Variants in CNTN5 observed in about 807,000 individuals in gnomAD.
CNTN5 encodes contactin-5.
In CNTN5, 77 loss-of-function variants were observed where a neutral mutation model predicts 129.1. The ratio of observed to expected loss-of-function variants is 0.60; its 90% CI spans 0.50 to 0.72. The LOEUF is 0.72. Among genes scored for constraint, CNTN5 ranks in the 30% least tolerant of loss-of-function variants. The pLI is 0.00. For synonymous variants in CNTN5, 509 were observed against 465.6 expected (o/e 1.09, Z -1.20); for missense variants, 1,478 against 1,328.8 (o/e 1.11, Z -1.75).
intron 1 of CNTN5, among the ~76,000 whole-genome samples, chr11:99,113,408 G>A (rs193177251): frequency 2.0e-5 from 3 of 152,120 alleles, no homozygotes; most frequent in East Asian, 1.9e-4. Context: ...ATGATGGAAC[G>A]CAGTAGTGAG....
intron 1 of CNTN5, among the ~76,000 whole-genome samples, chr11:99,071,355 A>C (rs999187581): frequency 1.1e-4 from 16 of 152,130 alleles, no homozygotes; most frequent in African/African-American, 3.6e-4. Context: ...GATGAGGTTA[A>C]AATCTGTAGC....
At chr11:99,048,201 G>A (rs929962617) in intron 1 of CNTN5, among the ~76,000 whole-genome samples, 2 of 152,030 alleles carry the variant, frequency 1.3e-5, no homozygotes, top group African/African-American at 4.8e-5. Flanking sequence ...TGTGACATCA[G>A]CTTATAGGTA....
chr11:99,782,030 T>C (rs927166867), intron 3 of CNTN5, among the ~76,000 whole-genome samples: 2 of 150,838 alleles, frequency 1.3e-5, no homozygotes, highest in Admixed American at 6.6e-5. Context: ...AAAGAGGAAG[T>C]CAAATTGTCC....
chr11:100,203,847 T>C (rs1462694957), intron 15 of CNTN5, among the ~76,000 whole-genome samples: 1 of 118,792 alleles, frequency 8.4e-6, no homozygotes, highest in Non-Finnish European at 1.8e-5. Flanking sequence ...CTATCTTGGA[T>C]CTAACTCCAG....
chr11:99,373,648 G>T (rs1034841834), intron 2 of CNTN5, among the ~76,000 whole-genome samples: 1 of 149,348 alleles, frequency 6.7e-6, no homozygotes, highest in Non-Finnish European at 1.5e-5. Context: ...GGGAGGTGGA[G>T]GTTGTAGTGA....
intron 9 of CNTN5, among the ~76,000 whole-genome samples, chr11:100,044,897 A>ATAG (rs1229056683): frequency 6.6e-6 from 1 of 152,192 alleles, no homozygotes; most frequent in African/African-American, 2.4e-5. Context: ...GTTAATAAAC[A>ATAG]TAGTGAGACT....
intron 15 of CNTN5, among the ~76,000 whole-genome samples, chr11:100,195,536 A>G (rs956672370): frequency 6.6e-6 from 1 of 151,912 alleles, no homozygotes; most frequent in Admixed American, 6.6e-5. Context: ...GCAAACCCAT[A>G]TAATTACAAC....
At chr11:99,942,000 G>C (rs998715556) in intron 7 of CNTN5, among the ~76,000 whole-genome samples, 5 of 151,916 alleles carry the variant, frequency 3.3e-5, no homozygotes, top group African/African-American at 1.2e-4. Flanking sequence ...TCATCAGAAA[G>C]GGCTTCATAA....
At chr11:99,352,994 G>A (rs1428188040) in intron 2 of CNTN5, among the ~76,000 whole-genome samples, 5 of 152,110 alleles carry the variant, frequency 3.3e-5, no homozygotes, top group Non-Finnish European at 5.9e-5. Flanking sequence ...TTTGAGAGCC[G>A]GGCGGTGAAT....
At chr11:99,357,897 C>T (rs1169671459) in intron 2 of CNTN5, among the ~76,000 whole-genome samples, 5 of 150,710 alleles carry the variant, frequency 3.3e-5, no homozygotes, top group African/African-American at 4.9e-5. Flanking sequence ...CCAGCTACTC[C>T]GGAGGCCGAG....
At chr11:99,445,869 A>G (rs997921047) in intron 2 of CNTN5, among the ~76,000 whole-genome samples, 1 of 152,072 alleles carries the variant, frequency 6.6e-6, no homozygotes, top group African/African-American at 2.4e-5. Context: ...GGATCACCTG[A>G]GGTCAGGAGT....
chr11:99,841,124 G>A (rs191561504), intron 4 of CNTN5, among the ~76,000 whole-genome samples: 37 of 152,164 alleles, frequency 2.4e-4, no homozygotes, highest in African/African-American at 8.9e-4. Context: ...TCTATTTACT[G>A]TCATTTATGT....
intron 18 of CNTN5, among the ~76,000 whole-genome samples, chr11:100,280,744 TG>T (rs1488753092): frequency 6.6e-6 from 1 of 152,146 alleles, no homozygotes; most frequent in Non-Finnish European, 1.5e-5. Context: ...GGTTGTTTTG[TG>T]GTCTATTCTT....
At chr11:99,997,942 A>G (rs1226800090) in intron 8 of CNTN5, among the ~76,000 whole-genome samples, 1 of 152,236 alleles carries the variant, frequency 6.6e-6, no homozygotes. Flanking sequence ...AAGGCCTTTG[A>G]CAAAATTCAA....
intron 23 of CNTN5, among the ~76,000 whole-genome samples, chr11:100,342,035 T>C (rs564790894): frequency 6.0e-4 from 91 of 152,096 alleles, no homozygotes; most frequent in South Asian, 3.9e-3. Context: ...GTACATAAAA[T>C]GCTAAAATTT....
chr11:100,316,563 G>A (rs1591508231), intron 21 of CNTN5, among the ~76,000 whole-genome samples: 1 of 152,164 alleles, frequency 6.6e-6, no homozygotes, highest in East Asian at 1.9e-4. Flanking sequence ...CTGTTTTCAT[G>A]AGAATATGCT....
chr11:99,112,031 T>G (rs1477236934), intron 1 of CNTN5, among the ~76,000 whole-genome samples: 1 of 152,082 alleles, frequency 6.6e-6, no homozygotes, highest in East Asian at 1.9e-4. Flanking sequence ...GTCATCAAAA[T>G]TATTTTAATA....
chr11:100,050,879 C>G (rs1333885210), intron 9 of CNTN5, among the ~76,000 whole-genome samples: 1 of 151,976 alleles, frequency 6.6e-6, no homozygotes, highest in Non-Finnish European at 1.5e-5. Context: ...ATTAACTTTT[C>G]AAGAAGACAT....
chr11:100,260,317 A>G (rs879216196), intron 17 of CNTN5, among the ~76,000 whole-genome samples: 1 of 152,214 alleles, frequency 6.6e-6, no homozygotes, highest in Non-Finnish European at 1.5e-5. Context: ...CCTACCAACC[A>G]AAAGAAGCCC....
Sources: gnomAD v4.1 joint callset for allele counts (sites outside exome capture counted in the v4.1 genomes callset) on GRCh38, gnomAD v4.1.1 for gene constraint, MANE v1.5 for transcripts, NCBI Gene and HGNC (gene_info 2026-07-23, HGNC 2026-07-21) for gene names.